Variants in ARHGAP10 observed in about 807,000 individuals in gnomAD.
The protein encoded by ARHGAP10 is Rho GTPase activating protein 10, also known as rho GTPase-activating protein 10.
Under a neutral mutation model 108.6 loss-of-function variants are expected in ARHGAP10, and 87 were observed. That is an observed-to-expected ratio of 0.80 (90% confidence interval 0.67 to 0.96). ARHGAP10 has a LOEUF of 0.96. ARHGAP10 is among the 40% of genes least tolerant of loss of function. The probability of loss-of-function intolerance (pLI) is 0.00; values close to 1 mark genes in which losing one functional copy is unlikely to be tolerated. For missense variants in ARHGAP10, 939 were observed against 954.5 expected, an observed-to-expected ratio of 0.98 and a Z score of 0.21; for synonymous variants, 347 against 341.1, an observed-to-expected ratio of 1.02 and a Z score of -0.19.
chr4:147,816,134 A>C (rs1001761631), intron 1 of ARHGAP10, among the ~76,000 whole-genome samples: 1 of 152,026 alleles, frequency 6.6e-6, no homozygotes, highest in Admixed American at 6.6e-5. Context: ...TTCTCGTCCT[A>C]TCTCCCATCC....
intron 18 of ARHGAP10, among the ~76,000 whole-genome samples, chr4:148,014,063 A>G (rs1203857586): frequency 6.6e-6 from 1 of 152,208 alleles, no homozygotes; most frequent in African/African-American, 2.4e-5. Flanking sequence ...AGAAGTTGTA[A>G]CCAACATCAA....
At chr4:148,055,257 A>G (rs936712246) in intron 20 of ARHGAP10, among the ~76,000 whole-genome samples, 10 of 152,178 alleles carry the variant, frequency 6.6e-5, no homozygotes, top group African/African-American at 2.4e-4. Flanking sequence ...TTGTTAAAGG[A>G]GGAAATCCAT....
chr4:147,949,362 C>T (rs1738509156), intron 15 of ARHGAP10, among the ~76,000 whole-genome samples: 1 of 152,192 alleles, frequency 6.6e-6, no homozygotes, highest in Non-Finnish European at 1.5e-5. Flanking sequence ...AAGTCTTGTT[C>T]ACTGCAGTAT....
chr4:147,985,516 G>A (rs964829437), intron 18 of ARHGAP10, among the ~76,000 whole-genome samples: 1 of 152,184 alleles, frequency 6.6e-6, no homozygotes, highest in Admixed American at 6.5e-5. Flanking sequence ...TTTTGGACCT[G>A]TGATGGGGGA....
chr4:148,000,258 C>T (rs910429376), intron 18 of ARHGAP10, among the ~76,000 whole-genome samples: 2 of 152,178 alleles, frequency 1.3e-5, no homozygotes, highest in Admixed American at 6.5e-5. Flanking sequence ...GACATGAACT[C>T]ATCTTTTTGA....
At chr4:148,069,801 G>A (rs554164472) in intron 22 of ARHGAP10, among the ~76,000 whole-genome samples, 119 of 152,262 alleles carry the variant, frequency 7.8e-4, no homozygotes, top group Non-Finnish European at 1.4e-3. Flanking sequence ...TTCAGCCCTG[G>A]GCCCCTTGCC....
chr4:147,892,687 G>A (rs1735833996), intron 10 of ARHGAP10, among the ~76,000 whole-genome samples: 1 of 152,138 alleles, frequency 6.6e-6, no homozygotes, highest in Non-Finnish European at 1.5e-5. Flanking sequence ...CTCAGAGGAA[G>A]GGGGGCCCAA....
At chr4:147,784,360 T>C (rs1347713755) in intron 1 of ARHGAP10, among the ~76,000 whole-genome samples, 1 of 128,590 alleles carries the variant, frequency 7.8e-6, no homozygotes, top group Non-Finnish European at 1.6e-5. Flanking sequence ...ATTTATAAAT[T>C]ATATAATACA....
intron 1 of ARHGAP10, among the ~76,000 whole-genome samples, chr4:147,806,879 A>G (rs548753130): frequency 6.6e-6 from 1 of 152,222 alleles, no homozygotes. Context: ...AGGGGCCAAC[A>G]TTTTGAATAG....
At chr4:147,825,833 G>A (rs1025901901) in intron 3 of ARHGAP10, among the ~76,000 whole-genome samples, 4 of 152,218 alleles carry the variant, frequency 2.6e-5, no homozygotes, top group Non-Finnish European at 4.4e-5. Context: ...AACATTGAGC[G>A]CATACCTATT....
intron 1 of ARHGAP10, among the ~76,000 whole-genome samples, chr4:147,755,153 C>A (rs1381459472): frequency 2.0e-5 from 3 of 151,382 alleles, no homozygotes; most frequent in African/African-American, 7.3e-5. Flanking sequence ...ATAATAAAAG[C>A]AAACTTATTA....
intron 3 of ARHGAP10, among the ~76,000 whole-genome samples, chr4:147,844,134 CAA>C (rs957514018): frequency 1.1e-4 from 16 of 152,122 alleles, no homozygotes; most frequent in Admixed American, 4.6e-4. Flanking sequence ...TGCTTTCCCT[CAA>C]GATTTTCCCT....
intron 13 of ARHGAP10, among the ~76,000 whole-genome samples, chr4:147,925,364 G>A (rs539990563): frequency 6.6e-6 from 1 of 152,312 alleles, no homozygotes; most frequent in East Asian, 1.9e-4. Flanking sequence ...CATCTCTGCA[G>A]CAGAGGAATG....
intron 18 of ARHGAP10, among the ~76,000 whole-genome samples, chr4:147,975,585 A>T (rs1739562789): frequency 6.6e-6 from 1 of 152,190 alleles, no homozygotes; most frequent in Non-Finnish European, 1.5e-5. Flanking sequence ...AGAACATGTG[A>T]AAAAGGAGTG....
intron 13 of ARHGAP10, among the ~76,000 whole-genome samples, chr4:147,914,592 A>AT (rs33978656): frequency 0.93 from 129,771 of 140,064 alleles, 60,097 homozygotes; most frequent in East Asian, 0.98. Flanking sequence ...CATCTTCAGC[A>AT]TTTTTGTACA....
chr4:148,009,250 G>A (rs1741078008), intron 18 of ARHGAP10, among the ~76,000 whole-genome samples: 1 of 151,792 alleles, frequency 6.6e-6, no homozygotes, highest in African/African-American at 2.4e-5. Context: ...TCCTGCCTCA[G>A]CCTCCCATGT....
At chr4:147,792,803 T>C (rs1022260108) in intron 1 of ARHGAP10, among the ~76,000 whole-genome samples, 1 of 152,204 alleles carries the variant, frequency 6.6e-6, no homozygotes, top group Non-Finnish European at 1.5e-5. Flanking sequence ...CCTTTTCAGC[T>C]GAGCTTTCTC....
At chr4:148,021,569 AT>A (rs567743921) in intron 18 of ARHGAP10, among the ~76,000 whole-genome samples, 1 of 151,890 alleles carries the variant, frequency 6.6e-6, no homozygotes, top group African/African-American at 2.4e-5. Flanking sequence ...CACAGGTGCC[AT>A]TTTTTTTATT....
At chr4:147,809,781 G>A (rs1731937390) in intron 1 of ARHGAP10, among the ~76,000 whole-genome samples, 1 of 152,148 alleles carries the variant, frequency 6.6e-6, no homozygotes, top group African/African-American at 2.4e-5. Flanking sequence ...TTCTCATAAG[G>A]AGTGTGCAAC....
Sources: allele counts gnomAD v4.1 joint callset (sites outside exome capture counted in the v4.1 genomes callset), GRCh38; gene constraint gnomAD v4.1.1; transcripts MANE v1.5; gene names NCBI Gene and HGNC (gene_info 2026-07-23, HGNC 2026-07-21).